The following TCERG1L variants were observed in gnomAD, a reference collection of about 807,000 sequenced individuals.
TCERG1L encodes the protein transcription elongation regulator 1-like protein.
TCERG1L carries 37 observed loss-of-function variants against 56.3 expected under a neutral mutation model. The ratio of observed to expected loss-of-function variants is 0.66; its 90% CI spans 0.51 to 0.87. The LOEUF is 0.87. Among genes scored for constraint, TCERG1L ranks in the 40% least tolerant of loss-of-function variants. TCERG1L has a pLI of 0.00. For missense variants in TCERG1L, 799 were observed against 774.2 expected (o/e 1.03, Z -0.38); for synonymous variants, 324 against 326.3 (o/e 0.99, Z 0.08).
At chr10:131,152,689 T>C (rs942213942) in intron 6 of TCERG1L, among the ~76,000 whole-genome samples, 12 of 152,240 alleles carry the variant, frequency 7.9e-5, no homozygotes, top group African/African-American at 2.9e-4. Context: ...GGTAAGAATT[T>C]ACTGTATTAG....
intron 4 of TCERG1L, among the ~76,000 whole-genome samples, chr10:131,213,740 G>A (rs1845640610): frequency 6.6e-6 from 1 of 152,234 alleles, no homozygotes; most frequent in East Asian, 1.9e-4. Flanking sequence ...TTTGCTGAAG[G>A]GACTCTTAAG....
At position 131,118,937 on chromosome 10, in the gene TCERG1L, G is replaced by A. The variant is rs1845486193; in HGVS notation, c.1260-2003C>T. Among the ~76,000 whole-genome samples, 1 of 152,170 alleles carries A rather than the reference G, an allele frequency of 6.6e-6. No individual in the cohort carries two copies. Among genetic ancestry groups the A allele is most frequent in the Non-Finnish European group, 1.5e-5 (1 of 68,030 alleles). Reference sequence around the variant, plus strand: ...TGTTACCAGCACCTGGGAGTGGAGAGCCGGGATGCTGTGAAATGTCCTGCA... The same window carrying A: ...TGTTACCAGCACCTGGGAGTGGAGAACCGGGATGCTGTGAAATGTCCTGCA... On this transcript the variant is annotated intron_variant, in intron 8 of 11. Coordinates refer to ENST00000368642, the MANE Select transcript of TCERG1L (RefSeq NM_174937.4). The surrounding 1 kb of genome is among the most constrained non-coding windows in gnomAD (Gnocchi z 4.2).
chr10:131,218,762 G>A (rs1410352276), intron 4 of TCERG1L, among the ~76,000 whole-genome samples: 3 of 152,192 alleles, frequency 2.0e-5, no homozygotes, highest in South Asian at 2.1e-4. Context: ...CTGGGCTGAC[G>A]TGGGGATGGA....
chr10:131,104,391 C>T, intron 9 of TCERG1L, 37 bp from the exon 10 acceptor site: 1 of 1,421,194 alleles, frequency 7.0e-7, no homozygotes, highest in East Asian at 2.5e-5. Context: ...CTGTTAGCGT[C>T]TAATGCTAAG....
At chr10:131,309,834 C>CAAAAAAAAAAAAAAAAAAAAAAA (rs58892586) in intron 1 of TCERG1L, among the ~76,000 whole-genome samples, 11 of 49,822 alleles carry the variant, frequency 2.2e-4, no homozygotes, top group East Asian at 5.6e-4. Context: ...GATTCTATGG[C>CAAAAAAAAAAAAAAAAAAAAAAA]AAAAAAAAAA....
intron 4 of TCERG1L, among the ~76,000 whole-genome samples, chr10:131,258,615 T>A (rs1846199723): frequency 1.3e-5 from 2 of 152,230 alleles, no homozygotes; most frequent in South Asian, 4.1e-4. Flanking sequence ...GATGGATCAA[T>A]TCCAGCAATG....
intron 6 of TCERG1L, among the ~76,000 whole-genome samples, chr10:131,149,202 C>T (rs2133417499): frequency 6.6e-6 from 1 of 151,554 alleles, no homozygotes; most frequent in East Asian, 2.0e-4. Flanking sequence ...GAGTGTATCA[C>T]ACTCCCATGC....
chr10:131,102,891 A>G (rs909708983), intron 10 of TCERG1L, among the ~76,000 whole-genome samples: 3 of 152,072 alleles, frequency 2.0e-5, no homozygotes, highest in African/African-American at 7.2e-5. Flanking sequence ...CTGTGAGCCA[A>G]CACCATCTGT....
chr10:131,239,342 C>T lies in TCERG1L; in HGVS notation c.856+20917G>A, dbSNP rs138842244. Among the ~76,000 whole-genome samples the T allele has an allele frequency of 3.6e-4, 55 of 152,260 alleles. No homozygotes were observed. In the East Asian group the frequency reaches 9.1e-3, roughly 25 times the overall value. ...AGCCTGCTGCAGAAGAGGTTGACAG[C>T]GATGCCACGAATAAGAATGAGAATG... On this transcript the variant is annotated intron_variant, in intron 4 of 11. Transcript: ENST00000368642.
chr10:131,285,334 C>T (rs1006997712), intron 3 of TCERG1L, among the ~76,000 whole-genome samples: 5 of 148,250 alleles, frequency 3.4e-5, no homozygotes, highest in African/African-American at 1.3e-4. Flanking sequence ...CCTAAGATTG[C>T]CCTGCATTCT....
At chr10:131,116,679 C>G in intron 9 of TCERG1L, 120 bp downstream of exon 9, 2 of 1,335,924 alleles carry the variant, frequency 1.5e-6, no homozygotes, top group Non-Finnish European at 2.1e-6. Context: ...CAGGCCAGGA[C>G]AGTCACTCAG....
Position 131,118,480 on chromosome 10 carries a change from C to T in TCERG1L, c.1260-1546G>A, listed in dbSNP as rs1043085898. Among the ~76,000 whole-genome samples, 4 of 152,162 alleles carry T rather than the reference C, an allele frequency of 2.6e-5. No homozygotes were observed. The highest frequency in any genetic ancestry group is 5.9e-5 in the Non-Finnish European group (4 of 68,040). ...ACTTCATGCTCACCTTTGCATTGCC[C>T]AATGTGAGCAACGGTCCTGCTAAAC... On this transcript the variant is annotated intron_variant, in intron 8 of 11. Coordinates refer to ENST00000368642, the MANE Select transcript of TCERG1L (RefSeq NM_174937.4). This position sits in a 1 kb window ranked among gnomAD's most constrained non-coding sequence, Gnocchi z 4.2.
chr10:131,218,030 G>A (rs1845690485), intron 4 of TCERG1L, among the ~76,000 whole-genome samples: 1 of 152,096 alleles, frequency 6.6e-6, no homozygotes, highest in Non-Finnish European at 1.5e-5. Flanking sequence ...GGCTGTAGCT[G>A]GCTTTTAAGT....
intron 8 of TCERG1L, among the ~76,000 whole-genome samples, chr10:131,123,912 T>G (rs1389644436): frequency 6.9e-6 from 1 of 145,170 alleles, no homozygotes; most frequent in Admixed American, 7.2e-5. Context: ...GACGATTTCC[T>G]TGGTGGATTT....
chr10:131,249,131 G>A (rs1442095101), intron 4 of TCERG1L, among the ~76,000 whole-genome samples: 1 of 152,262 alleles, frequency 6.6e-6, no homozygotes, highest in Admixed American at 6.5e-5. Flanking sequence ...CAAAAGTGGG[G>A]CGGCTGACTG....
intron 4 of TCERG1L, among the ~76,000 whole-genome samples, chr10:131,218,802 C>T (rs916128849): frequency 6.6e-6 from 1 of 152,176 alleles, no homozygotes; most frequent in Non-Finnish European, 1.5e-5. Context: ...GGGATCCTTG[C>T]AGCTTGGCGA....
chr10:131,160,233 A>C (rs1206105968), intron 6 of TCERG1L, among the ~76,000 whole-genome samples: 2 of 152,066 alleles, frequency 1.3e-5, no homozygotes, highest in Non-Finnish European at 2.9e-5. Flanking sequence ...TCTCATCCTC[A>C]TGCTTGCCAG....
intron 6 of TCERG1L, among the ~76,000 whole-genome samples, chr10:131,159,461 C>T (rs1019373910): frequency 6.6e-6 from 1 of 152,110 alleles, no homozygotes; most frequent in African/African-American, 2.4e-5. Flanking sequence ...GTCTCTGAGA[C>T]ATTCTCTGTC....
intron 4 of TCERG1L, among the ~76,000 whole-genome samples, chr10:131,251,858 G>A (rs1428707506): frequency 1.3e-5 from 2 of 152,050 alleles, no homozygotes; most frequent in Admixed American, 1.3e-4. Flanking sequence ...AGTACTTAAC[G>A]CCAGCCGTCA....
Sources: gnomAD v4.1 joint callset for allele counts (sites outside exome capture counted in the v4.1 genomes callset) on GRCh38, gnomAD v4.1.1 for gene constraint, Gnocchi (gnomAD v3.1) non-coding constraint, MANE v1.5 for transcripts, NCBI Gene and HGNC (gene_info 2026-07-23, HGNC 2026-07-21) for gene names.